SH2D4A: variants seen among roughly 807,000 people sequenced by gnomAD.
The protein encoded by SH2D4A is SH2 domain containing 4A.
A neutral mutation model predicts 64.7 loss-of-function variants in SH2D4A; 70 were observed. That is an observed-to-expected ratio of 1.08 (90% CI 0.89 to 1.32). The LOEUF is 1.32. SH2D4A is among the 40% of genes most tolerant of loss of function. SH2D4A has a pLI of 0.00. For synonymous variants in SH2D4A, 268 were observed against 200.7 expected, an observed-to-expected ratio of 1.34 and a Z score of -2.83; for missense variants, 706 against 540.1, an observed-to-expected ratio of 1.31 and a Z score of -3.04.
At chr8:19,350,583 A>G (rs2052686264) in intron 4 of SH2D4A, among the ~76,000 whole-genome samples, 1 of 152,224 alleles carries the variant, frequency 6.6e-6, no homozygotes, top group Admixed American at 6.5e-5. Flanking sequence ...CCCCAGGCTC[A>G]GGTGATCCTC....
intron 8 of SH2D4A, among the ~76,000 whole-genome samples, chr8:19,382,820 A>ATTTTTTTTTTTTTT (rs2053318237): frequency 1.2e-5 from 1 of 85,908 alleles, no homozygotes; most frequent in Non-Finnish European, 2.5e-5. Flanking sequence ...TGCTTTTAAG[A>ATTTTTTTTTTTTTT]TTCTTTTTTT....
At chr8:19,340,171 G>A (rs897391322) in intron 4 of SH2D4A, among the ~76,000 whole-genome samples, 5 of 152,094 alleles carry the variant, frequency 3.3e-5, no homozygotes, top group Middle Eastern at 3.2e-3. Flanking sequence ...AGGGAAAGTG[G>A]GCTTTGGAGG....
intron 4 of SH2D4A, among the ~76,000 whole-genome samples, chr8:19,340,585 TTTTC>T (rs1554479510): frequency 2.2e-5 from 3 of 138,362 alleles, no homozygotes; most frequent in East Asian, 2.2e-4. Flanking sequence ...GATTTTGTTC[TTTTC>T]TTTCTTTCTT....
intron 4 of SH2D4A, among the ~76,000 whole-genome samples, chr8:19,335,168 G>T (rs1441344351): frequency 6.6e-6 from 1 of 152,000 alleles, no homozygotes; most frequent in African/African-American, 2.4e-5. Context: ...GGCGCCTGCA[G>T]TCCCAGCTAC....
intron 7 of SH2D4A, among the ~76,000 whole-genome samples, chr8:19,371,636 T>C (rs548931197): frequency 9.8e-5 from 15 of 152,344 alleles, no homozygotes; most frequent in African/African-American, 3.4e-4. Flanking sequence ...TTTTCTGTTA[T>C]TATTTCTTTG....
At chr8:19,380,416 C>T (rs1413729368) in intron 8 of SH2D4A, among the ~76,000 whole-genome samples, 1 of 151,826 alleles carries the variant, frequency 6.6e-6, no homozygotes, top group African/African-American at 2.4e-5. Flanking sequence ...GTTGCTCGTG[C>T]CTTTGGTGTC....
At chr8:19,363,974 G>A (rs2052938818) in intron 6 of SH2D4A, 98 bp from the exon 7 acceptor site, 2 of 1,124,738 alleles carry the variant, frequency 1.8e-6, no homozygotes, top group Admixed American at 2.1e-5. Flanking sequence ...ACAAACTGCT[G>A]AGAACCTGCG....
intron 8 of SH2D4A, among the ~76,000 whole-genome samples, chr8:19,382,823 CTTTTTTTTTTTTTT>C (rs1159245319): frequency 3.1e-5 from 2 of 64,618 alleles, no homozygotes; most frequent in Admixed American, 2.3e-4. Context: ...TTTTAAGATT[CTTTTTTTTTTTTTT>C]TTTTTTTTTT....
intron 2 of SH2D4A, among the ~76,000 whole-genome samples, chr8:19,331,133 A>C (rs1420537627): frequency 6.6e-6 from 1 of 152,204 alleles, no homozygotes; most frequent in Admixed American, 6.5e-5. Context: ...CCACTGTACC[A>C]AGAAGGGTAG....
At chr8:19,390,547 A>G (rs2053474475) in intron 8 of SH2D4A, among the ~76,000 whole-genome samples, 1 of 152,190 alleles carries the variant, frequency 6.6e-6, no homozygotes, top group Non-Finnish European at 1.5e-5. Context: ...GATTCATGAC[A>G]AACTGTACAT....
Position 19,387,322 on chromosome 8 carries a change from G to A in SH2D4A, c.1049-5996G>A, listed in dbSNP as rs573251145. Among the ~76,000 whole-genome samples the A allele has an allele frequency of 6.5e-5, 7 of 108,294 alleles. No individual in the cohort carries two copies. In the South Asian group the frequency reaches 3.0e-3, roughly 46 times the overall value. The allele number at this position is 108,294 out of a possible 152,430, so 71.0% of individuals were successfully genotyped here. On this transcript the variant is annotated intron_variant, in intron 8 of 9. Transcript: ENST00000265807. ...ATGCAGGTGTATACCACCACACCCA[G>A]CTAATAGTTTTTGTTGTTCTTTGTA...
At chr8:19,377,632 G>A (rs550934885) in intron 8 of SH2D4A, among the ~76,000 whole-genome samples, 1 of 152,056 alleles carries the variant, frequency 6.6e-6, no homozygotes, top group South Asian at 2.1e-4. Context: ...CACATAGACA[G>A]GCTCATTCAT....
At chr8:19,394,513 A>T (rs1295907800) in intron 9 of SH2D4A, 37 bp from the exon 10 acceptor site, 1 of 1,453,762 alleles carries the variant, frequency 6.9e-7, no homozygotes, top group East Asian at 2.3e-5. Context: ...TGTGGTCACT[A>T]CTTACACTAT....
At chr8:19,319,856 A>G in intron 2 of SH2D4A, 128 bp downstream of exon 2, 1 of 918,958 alleles carries the variant, frequency 1.1e-6, no homozygotes, top group Non-Finnish European at 1.6e-6. Flanking sequence ...CCTAAATGTT[A>G]TTGAGAATCT....
At chr8:19,389,799 A>G (rs1305920880) in intron 8 of SH2D4A, among the ~76,000 whole-genome samples, 1 of 152,180 alleles carries the variant, frequency 6.6e-6, no homozygotes, top group African/African-American at 2.4e-5. Flanking sequence ...CCAGGTACCC[A>G]GGAGGTTGAG....
At chr8:19,382,812 C>T (rs186022607) in intron 8 of SH2D4A, among the ~76,000 whole-genome samples, 10 of 116,716 alleles carry the variant, frequency 8.6e-5, no homozygotes, top group Admixed American at 6.3e-4. Flanking sequence ...TCTCTTGCTG[C>T]TTTTAAGATT....
rs991362668 is a variant in SH2D4A at position 19,381,774 on chromosome 8, G to A, written c.1048+8114G>A. Among the ~76,000 whole-genome samples, 3 of 152,072 alleles carry A rather than the reference G, an allele frequency of 2.0e-5. No individual in the cohort carries two copies. The East Asian group carries it at 5.8e-4, about 29-fold the overall frequency. On this transcript the variant is annotated intron_variant, in intron 8 of 9. Transcript: ENST00000265807. Reference sequence around the variant, plus strand: ...TCAACATAAGTATGATGTTTGCTGTGGGTTTTTCATACATGGCCTTTACTA... The same window carrying A: ...TCAACATAAGTATGATGTTTGCTGTAGGTTTTTCATACATGGCCTTTACTA...
intron 7 of SH2D4A, 90 bp from the exon 8 acceptor site, chr8:19,373,434 ATGTGTG>A (rs1338215012): frequency 1.5e-6 from 1 of 685,940 alleles, no homozygotes; most frequent in African/African-American, 2.1e-5. Flanking sequence ...ATGTATATGT[ATGTGTG>A]TGTGTATATA....
intron 7 of SH2D4A, among the ~76,000 whole-genome samples, chr8:19,365,607 C>T (rs1420419742): frequency 1.3e-5 from 2 of 152,150 alleles, no homozygotes; most frequent in Admixed American, 6.5e-5. Flanking sequence ...TTTTGAAGGA[C>T]AGTATATTTG....
Sources: gnomAD v4.1 joint callset for allele counts (sites outside exome capture counted in the v4.1 genomes callset) on GRCh38, gnomAD v4.1.1 for gene constraint, MANE v1.5 for transcripts, NCBI Gene and HGNC (gene_info 2026-07-23, HGNC 2026-07-21) for gene names.